The following SLAMF1 variants were observed in gnomAD, a reference collection of about 807,000 sequenced individuals.
SLAMF1 encodes signaling lymphocytic activation molecule family member 1, also known as signaling lymphocytic activation molecule.
A neutral mutation model predicts 35.1 loss-of-function variants in SLAMF1; 18 were observed. The observed-to-expected ratio is 0.51, with a 90% CI of 0.35 to 0.76. The LOEUF (loss-of-function observed/expected upper bound fraction) is 0.76. Among genes scored for constraint, SLAMF1 ranks in the 30% least tolerant of loss-of-function variants. SLAMF1 has a pLI of 0.01. For synonymous variants in SLAMF1, 168 were observed against 157.2 expected (o/e 1.07, Z -0.51); for missense variants, 392 against 413.0 (o/e 0.95, Z 0.44).
At chr1:160,644,565 G>C (rs887838701) in intron 1 of SLAMF1, among the ~76,000 whole-genome samples, 5 of 152,194 alleles carry the variant, frequency 3.3e-5, no homozygotes, top group African/African-American at 1.2e-4. Context: ...CTGGGCAGTG[G>C]CTGTTGTTCA....
At chr1:160,644,328 G>A (rs543184215) in intron 1 of SLAMF1, among the ~76,000 whole-genome samples, 9 of 152,256 alleles carry the variant, frequency 5.9e-5, no homozygotes, top group East Asian at 1.9e-4. Flanking sequence ...CTATGTGAGC[G>A]CAGAGAAATT....
chr1:160,617,167 T>A (rs12046687), intron 5 of SLAMF1, among the ~76,000 whole-genome samples: 57,733 of 148,310 alleles, frequency 0.39, 12,643 homozygotes, highest in East Asian at 0.65. Flanking sequence ...AAAAAAAATT[T>A]AAAAAAAAAA....
intron 5 of SLAMF1, among the ~76,000 whole-genome samples, chr1:160,618,521 C>T (rs995366273): frequency 3.9e-5 from 6 of 151,974 alleles, no homozygotes; most frequent in South Asian, 2.1e-4. Flanking sequence ...GTAAGACATG[C>T]CTGCCCAGCA....
At chr1:160,629,740 C>T (rs114860400) in intron 3 of SLAMF1, among the ~76,000 whole-genome samples, 110 of 152,304 alleles carry the variant, frequency 7.2e-4, no homozygotes, top group Non-Finnish European at 1.3e-3. Flanking sequence ...CTTTTCTGGG[C>T]ATGTAGCTGC....
chr1:160,619,724 G>T, intron 5 of SLAMF1, 52 bp downstream of exon 5: 2 of 1,163,004 alleles, frequency 1.7e-6, no homozygotes, highest in South Asian at 1.2e-5. Context: ...GACTGGCCAG[G>T]AATACTCTAG....
chr1:160,640,668 G>T (rs1660700041), intron 1 of SLAMF1, among the ~76,000 whole-genome samples: 1 of 151,980 alleles, frequency 6.6e-6, no homozygotes, highest in South Asian at 2.1e-4. Flanking sequence ...TCCCCATGTT[G>T]CTCAGTAAAG....
intron 5 of SLAMF1, among the ~76,000 whole-genome samples, chr1:160,614,602 C>A (rs1391983207): frequency 6.6e-6 from 1 of 150,966 alleles, no homozygotes; most frequent in Non-Finnish European, 1.5e-5. Context: ...GAAGAGAGAC[C>A]TTTATCAACA....
At chr1:160,622,356 T>C (rs1659661511) in intron 4 of SLAMF1, among the ~76,000 whole-genome samples, 1 of 152,234 alleles carries the variant, frequency 6.6e-6, no homozygotes, top group African/African-American at 2.4e-5. Flanking sequence ...GGGTCTTTTC[T>C]CTTACCATAA....
chr1:160,637,646 G>C, intron 1 of SLAMF1, 117 bp from the exon 2 acceptor site: 1 of 711,008 alleles, frequency 1.4e-6, no homozygotes, highest in Non-Finnish European at 2.3e-6. Context: ...CTATCCCTGG[G>C]GTTGCCAAGT....
intron 3 of SLAMF1, among the ~76,000 whole-genome samples, chr1:160,625,204 G>A (rs1208164316): frequency 1.3e-5 from 2 of 152,144 alleles, no homozygotes; most frequent in Non-Finnish European, 2.9e-5. Flanking sequence ...AGTGGGGACC[G>A]AGCTGAAGCC....
chr1:160,624,639 CT>C (rs1183805091), intron 3 of SLAMF1, among the ~76,000 whole-genome samples: 1 of 152,102 alleles, frequency 6.6e-6, no homozygotes, highest in African/African-American at 2.4e-5. Flanking sequence ...ATCTACTTAT[CT>C]TTTTTAAAAA....
intron 1 of SLAMF1, among the ~76,000 whole-genome samples, chr1:160,640,842 C>A (rs1390637127): frequency 6.6e-6 from 1 of 152,130 alleles, no homozygotes; most frequent in East Asian, 1.9e-4. Flanking sequence ...ATATATTAAG[C>A]TTAAAACAGA....
chr1:160,618,131 A>G (rs1193631129), intron 5 of SLAMF1, among the ~76,000 whole-genome samples: 1 of 152,130 alleles, frequency 6.6e-6, no homozygotes, highest in Non-Finnish European at 1.5e-5. Context: ...TTCTCCTCAT[A>G]TAGATCTGTA....
chr1:160,614,107 G>A (rs1325019137), intron 5 of SLAMF1, among the ~76,000 whole-genome samples: 1 of 152,222 alleles, frequency 6.6e-6, no homozygotes, highest in African/African-American at 2.4e-5. Context: ...GTAAAAAGGA[G>A]CTAGGCAACA....
Position 160,635,979 on chromosome 1 carries a change from G to C in SLAMF1, c.416-1082C>G, listed in dbSNP as rs550546829. Among the ~76,000 whole-genome samples the C allele has an allele frequency of 2.4e-4, 37 of 152,292 alleles. No individual in the cohort carries two copies. In the South Asian group the frequency reaches 7.3e-3, roughly 30 times the overall value. On this transcript the variant is annotated intron_variant, in intron 2 of 6. Coordinates refer to ENST00000302035, the MANE Select transcript of SLAMF1 (RefSeq NM_003037.5). ...GAGGTGGAATATCTTACAACTCACA[G>C]CTTCTAAGTGGCCAAGTTAAGATCT...
At chr1:160,627,967 T>C (rs1659970340) in intron 3 of SLAMF1, among the ~76,000 whole-genome samples, 3 of 152,178 alleles carry the variant, frequency 2.0e-5, no homozygotes, top group East Asian at 1.9e-4. Flanking sequence ...CAAGATCTGA[T>C]GGTTTTATAA....
At chr1:160,634,427 A>T in intron 3 of SLAMF1, 186 bp downstream of exon 3, 3 of 983,122 alleles carry the variant, frequency 3.1e-6, no homozygotes, top group Non-Finnish European at 3.6e-6. Context: ...ACTGAGCATA[A>T]AAATGCCACC....
At chr1:160,616,817 G>A (rs1659322605) in intron 5 of SLAMF1, among the ~76,000 whole-genome samples, 1 of 152,186 alleles carries the variant, frequency 6.6e-6, no homozygotes, top group Admixed American at 6.5e-5. Context: ...ACATCCAACA[G>A]TAGGACTAAA....
At chr1:160,644,501 T>C (rs73024345) in intron 1 of SLAMF1, among the ~76,000 whole-genome samples, 2 of 152,252 alleles carry the variant, frequency 1.3e-5, no homozygotes, top group African/African-American at 4.8e-5. Context: ...ACCAGTATTA[T>C]TCACTCAACA....
Sources: allele counts gnomAD v4.1 joint callset (sites outside exome capture counted in the v4.1 genomes callset), GRCh38; gene constraint gnomAD v4.1.1; transcripts MANE v1.5; gene names NCBI Gene and HGNC (gene_info 2026-07-23, HGNC 2026-07-21).